SCAPER: variants seen among roughly 807,000 people sequenced by gnomAD.
The protein encoded by SCAPER is S phase cyclin A-associated protein in the endoplasmic reticulum.
Under a neutral mutation model 182.2 loss-of-function variants are expected in SCAPER, and 98 were observed. That is an observed-to-expected ratio of 0.54 (90% CI 0.46 to 0.64). The LOEUF is 0.64. SCAPER is among the 30% of genes least tolerant of loss of function. SCAPER has a pLI of 0.00. For missense variants in SCAPER, 1,432 were observed against 1,690.0 expected, an observed-to-expected ratio of 0.85 and a Z score of 2.68; for synonymous variants, 605 against 564.6, an observed-to-expected ratio of 1.07 and a Z score of -1.01.
intron 24 of SCAPER, among the ~76,000 whole-genome samples, chr15:76,502,423 C>T (rs921112998): frequency 8.5e-5 from 13 of 152,182 alleles, no homozygotes; most frequent in African/African-American, 2.4e-4. Flanking sequence ...TCCTTTGTAG[C>T]GACATAGATG....
At chr15:76,368,126 G>A (rs770192979) in intron 29 of SCAPER, among the ~76,000 whole-genome samples, 4 of 152,234 alleles carry the variant, frequency 2.6e-5, no homozygotes, top group Non-Finnish European at 5.9e-5. Context: ...TGGGAGAACA[G>A]AAAGTCCTTG....
At chr15:76,495,000 T>A (rs2040358858) in intron 24 of SCAPER, among the ~76,000 whole-genome samples, 1 of 152,044 alleles carries the variant, frequency 6.6e-6, no homozygotes, top group South Asian at 2.1e-4. Flanking sequence ...GGTTTCTTCA[T>A]TTATATAGTG....
At chr15:76,458,950 A>T (rs991802199) in intron 25 of SCAPER, among the ~76,000 whole-genome samples, 1 of 152,172 alleles carries the variant, frequency 6.6e-6, no homozygotes, top group African/African-American at 2.4e-5. Context: ...GCTGGGATGC[A>T]GTGGCATAAT....
intron 20 of SCAPER, among the ~76,000 whole-genome samples, chr15:76,675,216 T>A (rs1428356035): frequency 6.6e-6 from 1 of 152,226 alleles, no homozygotes; most frequent in African/African-American, 2.4e-5. Flanking sequence ...TATATACATA[T>A]AAATCTTAAA....
intron 25 of SCAPER, among the ~76,000 whole-genome samples, chr15:76,444,198 T>TTGTCTCC (rs2047827877): frequency 6.6e-6 from 1 of 152,190 alleles, no homozygotes; most frequent in Admixed American, 6.5e-5. Flanking sequence ...CAGTCCTGAT[T>TTGTCTCC]TGTCTCCTTC....
chr15:76,513,675 G>A lies in SCAPER; in HGVS notation c.2839-8701C>T, dbSNP rs528718921. On this transcript the variant is annotated intron_variant, in intron 23 of 31. Coordinates refer to ENST00000563290, the MANE Select transcript of SCAPER (RefSeq NM_020843.4). ...ATACAGTGCTCTGATTACATTTCTG[G>A]ATGGCTTAATACCATAATAATAAGA... Among the ~76,000 whole-genome samples, 3 of 152,192 alleles carry A rather than the reference G, an allele frequency of 2.0e-5. No homozygotes were observed. In the South Asian group the frequency reaches 6.2e-4, roughly 32 times the overall value.
intron 23 of SCAPER, among the ~76,000 whole-genome samples, chr15:76,572,500 C>T (rs149355045): frequency 8.5e-5 from 13 of 152,182 alleles, no homozygotes; most frequent in African/African-American, 2.9e-4. Context: ...AGGCTGCTTT[C>T]GATTCCTCCA....
chr15:76,424,653 T>G (rs913135465), intron 26 of SCAPER, among the ~76,000 whole-genome samples: 2 of 152,222 alleles, frequency 1.3e-5, no homozygotes, highest in African/African-American at 2.4e-5. Flanking sequence ...AATTTGATCC[T>G]GCCATTATGA....
intron 15 of SCAPER, among the ~76,000 whole-genome samples, chr15:76,737,180 T>C (rs1057179786): frequency 1.3e-5 from 2 of 152,242 alleles, no homozygotes; most frequent in African/African-American, 4.8e-5. Context: ...GAGGAATCAC[T>C]ATCTATGGCA....
intron 15 of SCAPER, among the ~76,000 whole-genome samples, chr15:76,739,833 T>C (rs1769033327): frequency 1.3e-5 from 2 of 152,050 alleles, no homozygotes; most frequent in African/African-American, 4.8e-5. Context: ...TTACTTAAAT[T>C]AGAAAATGCA....
At chr15:76,869,101 C>A (rs1219990030) in intron 2 of SCAPER, among the ~76,000 whole-genome samples, 1 of 151,998 alleles carries the variant, frequency 6.6e-6, no homozygotes, top group Non-Finnish European at 1.5e-5. Context: ...TCTCACCATA[C>A]CAAAAAATCA....
intron 22 of SCAPER, among the ~76,000 whole-genome samples, 191 bp downstream of exon 22, chr15:76,621,573 A>G (rs1202019051): frequency 6.6e-6 from 1 of 152,220 alleles, no homozygotes; most frequent in Non-Finnish European, 1.5e-5. Context: ...TGTGCTCACA[A>G]GAACTGTGCC....
chr15:76,580,689 A>T (rs971415742), intron 22 of SCAPER, among the ~76,000 whole-genome samples: 1 of 152,172 alleles, frequency 6.6e-6, no homozygotes, highest in Non-Finnish European at 1.5e-5. Context: ...GTTTGTACCT[A>T]TAAGCATTTA....
intron 20 of SCAPER, among the ~76,000 whole-genome samples, chr15:76,672,190 A>C (rs2057067798): frequency 6.6e-6 from 1 of 152,236 alleles, no homozygotes; most frequent in Non-Finnish European, 1.5e-5. Context: ...GAAACTTCAG[A>C]ACTCAAGCCA....
chr15:76,396,880 T>C (rs563815965), intron 27 of SCAPER, among the ~76,000 whole-genome samples: 1 of 152,342 alleles, frequency 6.6e-6, no homozygotes, highest in South Asian at 2.1e-4. Context: ...GTCATCCTTG[T>C]TGTGTTCCAG....
At chr15:76,871,054 T>C (rs930553019) in intron 2 of SCAPER, among the ~76,000 whole-genome samples, 2 of 151,914 alleles carry the variant, frequency 1.3e-5, no homozygotes, top group African/African-American at 4.8e-5. Context: ...GTCAAGAAAA[T>C]ACCTTCAAAG....
intron 25 of SCAPER, among the ~76,000 whole-genome samples, chr15:76,455,848 T>TGC (rs2048692931): frequency 6.6e-6 from 1 of 152,042 alleles, no homozygotes; most frequent in African/African-American, 2.4e-5. Flanking sequence ...TGACAGGCCC[T>TGC]GGTGTGTGAT....
intron 6 of SCAPER, among the ~76,000 whole-genome samples, chr15:76,802,364 A>C (rs184275766): frequency 1.2e-3 from 181 of 152,226 alleles, no homozygotes; most frequent in African/African-American, 4.0e-3. Flanking sequence ...TCACAAAGAC[A>C]ATACAGCCAC....
intron 24 of SCAPER, among the ~76,000 whole-genome samples, chr15:76,475,809 A>G (rs914314478): frequency 6.6e-6 from 1 of 152,168 alleles, no homozygotes; most frequent in African/African-American, 2.4e-5. Flanking sequence ...TTCCTTTGTG[A>G]TACAGTGAAA....
Sources: gnomAD v4.1 joint callset for allele counts (sites outside exome capture counted in the v4.1 genomes callset) on GRCh38, gnomAD v4.1.1 for gene constraint, MANE v1.5 for transcripts, NCBI Gene and HGNC (gene_info 2026-07-23, HGNC 2026-07-21) for gene names.